The following LHX9 variants were observed in gnomAD, a reference collection of about 807,000 sequenced individuals.
LHX9 encodes the protein LIM/homeobox protein Lhx9.
LHX9 carries 9 observed loss-of-function variants against 36.5 expected under a neutral mutation model. The observed-to-expected ratio is 0.25, with a 90% CI of 0.15 to 0.43. The LOEUF (loss-of-function observed/expected upper bound fraction) is 0.43, where lower values mean the gene tolerates loss of function less well. Among genes scored for constraint, LHX9 ranks in the 20% least tolerant of loss-of-function variants. LHX9 has a pLI of 1.00. For missense variants in LHX9, 464 were observed against 526.4 expected, an observed-to-expected ratio of 0.88 and a Z score of 1.16; for synonymous variants, 211 against 212.1, an observed-to-expected ratio of 0.99 and a Z score of 0.04.
chr1:197,932,537 T>C lies in LHX9; in HGVS notation c.*3278T>C, dbSNP rs1432667565. 6.6e-6 allele frequency: 1 copy of C among 152,130 alleles called. No homozygotes were observed. The highest frequency in any genetic ancestry group is 1.5e-5 in the Non-Finnish European group (1 of 67,956). The allele number at this position is 152,130 out of a possible 1,614,324, so 9.4% of individuals were successfully genotyped here. The stretch of plus-strand genomic sequence containing the variant: ...CCTCTGTATGATGACTTATCTTTGC[T>C]GTTTCTTGTATGATAAATAGCTTTC... On this transcript the variant is annotated 3_prime_UTR_variant, in exon 5 of 5. Transcript: ENST00000367387.
At chr1:197,917,335 A>T (rs1274058735), upstream of LHX9, 3 of 1,269,328 alleles carry the variant, frequency 2.4e-6, no homozygotes, top group Non-Finnish European at 3.1e-6. Context: ...GGCTGGCTTT[A>T]GTCTCTTAAC....
At chr1:197,925,158 T>A (rs1660105098) in intron 3 of LHX9, among the ~76,000 whole-genome samples, 1 of 43,664 alleles carries the variant, frequency 2.3e-5, no homozygotes, top group Non-Finnish European at 4.2e-5. Flanking sequence ...GTGTATTTTA[T>A]GTGGAAACAG....
Position 197,929,670 on chromosome 1 carries a change from ATTAATTAG to A in LHX9, c.*415_*422del, listed in dbSNP as rs527656903. On this transcript the variant is annotated 3_prime_UTR_variant, in exon 5 of 5. Transcript: ENST00000367387. ...GATTAGGTTAATAAAGAACCAGATA[ATTAATTAG>A]TTACTTTTTAAATCTTGCAATTGTA... is the stretch of plus-strand genomic sequence containing the variant. The A allele has an allele frequency of 1.4e-4, 131 of 916,012 alleles. No homozygotes were observed. In the African/African-American group the frequency reaches 2.3e-3, roughly 16 times the overall value. 56.7% of individuals were successfully genotyped at this position (916,012 alleles called of 1,614,324 possible).
At position 197,921,507 on chromosome 1, in the gene LHX9, A is replaced by G. The variant is rs772203731; in HGVS notation, c.581A>G (p.Glu194Gly). Residue 194 changes from glutamate to glycine, a missense_variant, in exon 3 of 5, where the codon GAG (glutamate) becomes GGG (glycine). By Grantham distance (98) the Glu-to-Gly change is moderately conservative. Transcript: ENST00000367387. The surrounding 1 kb of genome is among the most constrained non-coding windows in gnomAD (Gnocchi z 4.6). ...RAHFETLLQG[E>G]YPPQLSYTEL... ...CACTTCGAGACCCTCTTGCAAGGAG[A>G]GTATCCACCGCAGCTGAGCTACACG... 146 of 1,613,956 alleles carry G rather than the reference A, an allele frequency of 9.0e-5. No individual in the cohort carries two copies. The highest frequency in any genetic ancestry group is 1.2e-4 in the Non-Finnish European group (142 of 1,180,028).
rs12741601 is a variant in LHX9, at chr1:197,921,033, T to A, written c.378-271T>A. On this transcript the variant is annotated intron_variant, in intron 2 of 4. Transcript: ENST00000367387. This position sits in a 1 kb window ranked among gnomAD's most constrained non-coding sequence, Gnocchi z 4.6. ...AGTGCTAACTAGTGGTTTGCTTTTTTAAATTTTTTTTAATGTTTTAAATTT... is the reference window on the plus strand; with the variant it reads ...AGTGCTAACTAGTGGTTTGCTTTTTAAAATTTTTTTTAATGTTTTAAATTT... 0.21 allele frequency among the ~76,000 whole-genome samples: 32,620 copies of A among 152,112 alleles called. 3,724 individuals are homozygous for A. The highest frequency in any genetic ancestry group is 0.34 in the South Asian group (1,636 of 4,818).
In LHX9 at chr1:197,930,929, C is replaced by T. The variant is rs1248377621; in HGVS notation, c.*1670C>T. 1 of 151,906 alleles carries T rather than the reference C, an allele frequency of 6.6e-6. No homozygotes were observed. The highest frequency in any genetic ancestry group is 1.5e-5 in the Non-Finnish European group (1 of 67,842). The allele number at this position is 151,906 out of a possible 1,614,324, so 9.4% of individuals were successfully genotyped here. A position where few individuals can be genotyped will look rare whatever the true frequency, so the allele number is the denominator to read the frequency against. On this transcript the variant is annotated 3_prime_UTR_variant, in exon 5 of 5. Transcript: ENST00000367387. ...TTTTGGGCATTTACCACTAACCAGA[C>T]CAAACAACCTTGGTAAGGCTGAGAT...
chr1:197,927,440 C>T (rs1368576438), intron 3 of LHX9, 151 bp from the exon 4 acceptor site: 1 of 699,236 alleles, frequency 1.4e-6, no homozygotes, highest in Non-Finnish European at 2.6e-6. Context: ...CAATTATCTT[C>T]TTTCTTTTTG....
chr1:197,926,151 T>C (rs768859278), intron 3 of LHX9, among the ~76,000 whole-genome samples: 3 of 152,256 alleles, frequency 2.0e-5, no homozygotes, highest in African/African-American at 2.4e-5. Flanking sequence ...TCTGTAAATA[T>C]GCTGATTTGC....
In LHX9 at chr1:197,930,200, C is replaced by A; in HGVS notation, c.*941C>A. The A allele has an allele frequency of 3.0e-6, 1 of 335,822 alleles. No homozygotes were observed. The highest frequency in any genetic ancestry group is 4.2e-6 in the Non-Finnish European group (1 of 236,604). 20.8% of individuals were successfully genotyped at this position (335,822 alleles called of 1,614,324 possible). ...GTACCATGATATTGTATCTGGCATT[C>A]TATATGAATAATGTTTAAAATACCC... On this transcript the variant is annotated 3_prime_UTR_variant, in exon 5 of 5. Transcript: ENST00000367387.
upstream of LHX9, chr1:197,912,793 C>G: frequency 1.7e-6 from 1 of 579,054 alleles, no homozygotes; most frequent in South Asian, 2.1e-5. Context: ...CTGTCTTTGA[C>G]TTTCCTCAGG....
At position 197,917,974 on chromosome 1, in the gene LHX9, G is replaced by A. The variant is rs767745554; in HGVS notation, c.151G>A (p.Ala51Thr). 1.9e-6 allele frequency: 3 copies of A among 1,613,496 alleles called. No individual in the cohort carries two copies. The highest frequency in any genetic ancestry group is 2.5e-6 in the Non-Finnish European group (3 of 1,179,718). The change falls in exon 1 of 5, where the codon GCC (alanine) becomes ACC (threonine). Residue 51 changes from alanine (A) to threonine (T), a missense_variant. Ala to Thr is a moderately conservative substitution (Grantham distance 58). Around this residue, in one of 5 missense-constraint regions of LHX9, gnomAD observed 119 missense variants for 102.4 expected, o/e 1.16. Transcript: ENST00000367387. The part of the protein sequence containing the change: ...SKTEARLAKG[A>T]QLNGRDAGMP... ...GACTGAGGCCCGTCTGGCCAAAGGC[G>A]CCCAGCTCAACGGCCGCGACGCGGT...
At position 197,919,958 on chromosome 1, in the gene LHX9, T is replaced by C; in HGVS notation, c.175-14T>C. On this transcript the variant is annotated splice_polypyrimidine_tract_variant and intron_variant, in intron 1 of 4. Transcript: ENST00000367387. ...GCGCGCCCTCCTCAGCCTTGCGGTG[T>C]GCTTTCTTTGCAGGGCATGCCCCCG... 4.3e-6 allele frequency: 7 copies of C among 1,613,406 alleles called. No individual in the cohort carries two copies. The highest frequency in any genetic ancestry group is 5.9e-6 in the Non-Finnish European group (7 of 1,179,814).
chr1:197,918,003 G>T lies in LHX9; in HGVS notation c.174+6G>T. 6.2e-7 allele frequency: 1 copy of T among 1,608,660 alleles called. No homozygotes were observed. The highest frequency in any genetic ancestry group is 8.5e-7 in the Non-Finnish European group (1 of 1,177,850). ...AGCTCAACGGCCGCGACGCGGTAAGGAAGGGCTCCGCCGCGGCGGTAGCCG... is the reference window on the plus strand; with the variant it reads ...AGCTCAACGGCCGCGACGCGGTAAGTAAGGGCTCCGCCGCGGCGGTAGCCG... On this transcript the variant is annotated splice_donor_region_variant and intron_variant, in intron 1 of 4. Transcript: ENST00000367387.
At position 197,920,014 on chromosome 1, in the gene LHX9, G is replaced by T. The variant is rs1274648962; in HGVS notation, c.217G>T (p.Gly73Cys). The change falls in exon 2 of 5, where the codon GGC (glycine) becomes TGC (cysteine). Residue 73 changes from glycine (G) to cysteine (C), a missense_variant. Around this residue, in one of 5 missense-constraint regions of LHX9, gnomAD observed 93 missense variants for 150.3 expected, o/e 0.62. Coordinates refer to ENST00000367387, the MANE Select transcript of LHX9 (RefSeq NM_020204.3). ...LSPEKPALCA[G>C]CGGKISDRYY... is the part of the protein sequence containing the mutation. ...CCCGGAGAAGCCCGCCCTGTGCGCC[G>T]GCTGCGGGGGCAAGATCTCGGACAG... 1 of 1,614,114 alleles carries T rather than the reference G, an allele frequency of 6.2e-7. No homozygotes were observed. Among genetic ancestry groups the T allele is most frequent in the African/African-American group, 1.3e-5 (1 of 74,948 alleles).
chr1:197,932,482 C>A lies in LHX9; in HGVS notation c.*3223C>A, dbSNP rs1660353174. On this transcript the variant is annotated 3_prime_UTR_variant, in exon 5 of 5. Transcript: ENST00000367387. ...CTTTTTAAACAGAAATCTCTGCATG[C>A]ACTTTTACATATGTCACCTCTAGTG... The A allele has an allele frequency of 6.6e-6, 1 of 152,414 alleles. No individual in the cohort carries two copies. Among genetic ancestry groups the A allele is most frequent in the African/African-American group, 2.4e-5 (1 of 41,446 alleles). 9.4% of individuals were successfully genotyped at this position (152,414 alleles called of 1,614,324 possible). A position where few individuals can be genotyped will look rare whatever the true frequency, so the allele number is the denominator to read the frequency against.
At position 197,921,484 on chromosome 1, in the gene LHX9, C is replaced by T. The variant is rs949634659; in HGVS notation, c.558C>T (p.His186=). ...MKDSLVYCRA[H]FETLLQGEYP... is the part of the protein sequence containing the mutation. ...ACAGCCTGGTGTACTGCCGCGCCCACTTCGAGACCCTCTTGCAAGGAGAGT... is the reference window on the plus strand; with the variant it reads ...ACAGCCTGGTGTACTGCCGCGCCCATTTCGAGACCCTCTTGCAAGGAGAGT... The change falls in exon 3 of 5, where the codon CAC becomes CAT. Residue 186 remains histidine, a synonymous_variant. Coordinates refer to ENST00000367387, the MANE Select transcript of LHX9 (RefSeq NM_020204.3). This position sits in a 1 kb window ranked among gnomAD's most constrained non-coding sequence, Gnocchi z 4.6. 1.2e-6 allele frequency: 2 copies of T among 1,614,118 alleles called. No individual in the cohort carries two copies. Among genetic ancestry groups the T allele is most frequent in the African/African-American group, 2.7e-5 (2 of 74,936 alleles).
In LHX9 at chr1:197,934,283, TATC is replaced by T. The variant is rs1660398243; in HGVS notation, c.*5028_*5030del. On this transcript the variant is annotated 3_prime_UTR_variant, in exon 5 of 5. Coordinates refer to ENST00000367387, the MANE Select transcript of LHX9 (RefSeq NM_020204.3). ...TGTTTTTTTATTAGCCACATATAAA[TATC>T]ATCTCATTTTCTGTTGCAGTGTGAC... The T allele has an allele frequency of 3.9e-5, 6 of 152,118 alleles. No homozygotes were observed. The highest frequency in any genetic ancestry group is 7.4e-5 in the Non-Finnish European group (5 of 68,024). 9.4% of individuals were successfully genotyped at this position (152,118 alleles called of 1,614,324 possible). A position where few individuals can be genotyped will look rare whatever the true frequency, so the allele number is the denominator to read the frequency against.
intron 3 of LHX9, among the ~76,000 whole-genome samples, chr1:197,924,047 G>C (rs1660077349): frequency 6.6e-6 from 1 of 152,156 alleles, no homozygotes; most frequent in Admixed American, 6.5e-5. Flanking sequence ...TTATCTATGG[G>C]AATTGGTTTG....
chr1:197,923,583 C>T (rs78107421), intron 3 of LHX9, among the ~76,000 whole-genome samples: 2,409 of 151,902 alleles, frequency 0.016, 31 homozygotes, highest in Middle Eastern at 0.031. Flanking sequence ...TCTCTCAGCC[C>T]GGATAAAGTC....
Sources: allele counts gnomAD v4.1 joint callset (sites outside exome capture counted in the v4.1 genomes callset), GRCh38; gene constraint gnomAD v4.1.1; regional missense constraint gnomAD v4.1.1; non-coding constraint Gnocchi (gnomAD v3.1); transcripts MANE v1.5; gene names NCBI Gene and HGNC (gene_info 2026-07-23, HGNC 2026-07-21).